The following TJP1 variants were observed in gnomAD, a reference collection of about 807,000 sequenced individuals.
TJP1 encodes tight junction protein 1, also known as tight junction protein ZO-1.
A neutral mutation model predicts 194.2 loss-of-function variants in TJP1; 43 were observed. That is an observed-to-expected ratio of 0.22 (90% CI 0.17 to 0.29). The LOEUF is 0.29. Ranked by LOEUF, TJP1 falls within the 10% of genes least tolerant of loss-of-function variation. TJP1 has a pLI of 1.00. For missense variants in TJP1, 1,971 were observed against 2,185.7 expected (o/e 0.90, Z 1.96); for synonymous variants, 801 against 779.0 (o/e 1.03, Z -0.47).
intron 8 of TJP1, among the ~76,000 whole-genome samples, chr15:29,753,423 G>A (rs972557533): frequency 2.1e-5 from 3 of 145,060 alleles, no homozygotes; most frequent in African/African-American, 5.1e-5. Context: ...GGCGGAGCTC[G>A]CAGTGAGCCG....
intron 2 of TJP1, among the ~76,000 whole-genome samples, chr15:29,870,685 T>C (rs1349736313): frequency 6.6e-6 from 1 of 152,190 alleles, no homozygotes; most frequent in Non-Finnish European, 1.5e-5. Flanking sequence ...TAATGTGCCC[T>C]TATCAATTCC....
intron 2 of TJP1, among the ~76,000 whole-genome samples, chr15:29,843,908 C>A (rs1478720719): frequency 2.0e-5 from 3 of 152,082 alleles, no homozygotes; most frequent in African/African-American, 7.2e-5. Flanking sequence ...GGGACAGTAA[C>A]CACAAGGTGG....
At chr15:29,856,839 C>CA (rs1342030099) in intron 2 of TJP1, among the ~76,000 whole-genome samples, 20 of 146,796 alleles carry the variant, frequency 1.4e-4, no homozygotes, top group African/African-American at 5.1e-4. Flanking sequence ...GCCTGGGTGA[C>CA]AGAGCAAGAC....
At chr15:29,816,378 G>C (rs932124136) in intron 1 of TJP1, among the ~76,000 whole-genome samples, 1 of 152,054 alleles carries the variant, frequency 6.6e-6, no homozygotes, top group Non-Finnish European at 1.5e-5. Flanking sequence ...ACCTGGGGGG[G>C]AAGAACACCA....
intron 2 of TJP1, among the ~76,000 whole-genome samples, chr15:29,887,130 C>T (rs2053139924): frequency 6.6e-6 from 1 of 151,806 alleles, no homozygotes; most frequent in Non-Finnish European, 1.5e-5. Context: ...AGATGGCACC[C>T]ACTAGGTAAC....
intron 2 of TJP1, among the ~76,000 whole-genome samples, chr15:29,856,803 C>T (rs2051871574): frequency 1.3e-5 from 2 of 151,400 alleles, no homozygotes; most frequent in South Asian, 2.1e-4. Flanking sequence ...GAAACCCCGT[C>T]TCTATGACTG....
At chr15:29,838,284 G>T (rs540909897) in intron 2 of TJP1, among the ~76,000 whole-genome samples, 3 of 152,292 alleles carry the variant, frequency 2.0e-5, no homozygotes, top group South Asian at 2.1e-4. Flanking sequence ...AATTAGCCAG[G>T]TGTGGTGGTG....
At chr15:29,721,282 AT>A (rs2042913538) in intron 18 of TJP1, among the ~76,000 whole-genome samples, 2 of 152,166 alleles carry the variant, frequency 1.3e-5, no homozygotes, top group Non-Finnish European at 2.9e-5. Flanking sequence ...TGACTGGATC[AT>A]GGGGGTGGTT....
At chr15:29,795,923 A>T (rs1430610015) in intron 2 of TJP1, among the ~76,000 whole-genome samples, 2 of 152,200 alleles carry the variant, frequency 1.3e-5, no homozygotes, top group Non-Finnish European at 2.9e-5. Flanking sequence ...ACACACACAA[A>T]AAAAAGCACT....
chr15:29,745,287 T>C (rs2044688873), intron 8 of TJP1, among the ~76,000 whole-genome samples: 1 of 123,642 alleles, frequency 8.1e-6, no homozygotes, highest in African/African-American at 3.2e-5. Context: ...CACGAGCTAA[T>C]GGTCCCAAAA....
At chr15:29,875,998 G>A (rs922410478) in intron 2 of TJP1, among the ~76,000 whole-genome samples, 4 of 152,130 alleles carry the variant, frequency 2.6e-5, no homozygotes, top group African/African-American at 7.2e-5. Flanking sequence ...CTAGCCACAC[G>A]TGACTAATTA....
chr15:29,722,754 G>A (rs2043010568), intron 18 of TJP1, among the ~76,000 whole-genome samples: 1 of 152,234 alleles, frequency 6.6e-6, no homozygotes, highest in South Asian at 2.1e-4. Flanking sequence ...CACAATGCCA[G>A]TCCATGAAAG....
intron 2 of TJP1, among the ~76,000 whole-genome samples, chr15:29,780,114 T>A (rs1256570744): frequency 6.6e-6 from 1 of 152,076 alleles, no homozygotes; most frequent in Admixed American, 6.5e-5. Flanking sequence ...TTGAAGACAA[T>A]TTTTCCACAG....
At chr15:29,746,037 A>G (rs1310556442) in intron 8 of TJP1, among the ~76,000 whole-genome samples, 1 of 152,218 alleles carries the variant, frequency 6.6e-6, no homozygotes, top group African/African-American at 2.4e-5. Context: ...TTTGTAAAAG[A>G]CTATTAAAAT....
exon 1 of TJP1, chr15:29,968,878 A>C (rs1392236319): frequency 1.1e-5 from 4 of 369,234 alleles, no homozygotes; most frequent in Non-Finnish European, 1.5e-5. Context: ...CACAGCTCCC[A>C]CCGCTCCCGC....
rs184247753 is a variant in TJP1 at position 29,771,571 on chromosome 15, C to T, written c.312+493G>A. ...TTGTAATCCCAGCACTTTGGGAGGCCGAGGCAGGCAGATCACGAGGTCAGG... is the reference window on the plus strand; with the variant it reads ...TTGTAATCCCAGCACTTTGGGAGGCTGAGGCAGGCAGATCACGAGGTCAGG... On this transcript the variant is annotated intron_variant, in intron 4 of 27. Coordinates refer to ENST00000614355, the MANE Select transcript of TJP1 (RefSeq NM_001330239.4). 4.7e-3 allele frequency among the ~76,000 whole-genome samples: 709 copies of T among 151,594 alleles called. 5 individuals are homozygous for T. The highest frequency in any genetic ancestry group is 6.3e-3 in the Admixed American group (96 of 15,232).
chr15:29,885,823 C>A (rs1409462726), intron 2 of TJP1, among the ~76,000 whole-genome samples: 1 of 152,136 alleles, frequency 6.6e-6, no homozygotes, highest in Admixed American at 6.5e-5. Flanking sequence ...TTGTAAAAAT[C>A]ATTTTTCCTT....
chr15:29,933,588 T>G (rs1567209348), intron 2 of TJP1, among the ~76,000 whole-genome samples: 2 of 152,118 alleles, frequency 1.3e-5, no homozygotes. Context: ...ATTACAGGAA[T>G]GCAAAGAAAA....
rs77177219 is a variant in TJP1, at chr15:29,856,857, C to CA, written c.307-56156dup. On this transcript the variant is annotated intron_variant, in intron 2 of 28. Transcript: ENST00000356107. ...TGGGTGACAGAGCAAGACTCCGTCTCAAAAAAAAAAAAAAATGTGGGTGCA... is the reference window on the plus strand; with the variant it reads ...TGGGTGACAGAGCAAGACTCCGTCTCAAAAAAAAAAAAAAAATGTGGGTGCA... 5.5e-3 allele frequency among the ~76,000 whole-genome samples: 558 copies of CA among 101,114 alleles called. 4 individuals are homozygous for CA. Among genetic ancestry groups the CA allele is most frequent in the African/African-American group, 0.011 (306 of 26,926 alleles). 66.3% of individuals were successfully genotyped at this position (101,114 alleles called of 152,430 possible).
Sources: allele counts gnomAD v4.1 joint callset (sites outside exome capture counted in the v4.1 genomes callset), GRCh38; gene constraint gnomAD v4.1.1; transcripts MANE v1.5; gene names NCBI Gene and HGNC (gene_info 2026-07-23, HGNC 2026-07-21).